PRLR: variants seen among roughly 807,000 people sequenced by gnomAD.
The protein encoded by PRLR is prolactin receptor.
A neutral mutation model predicts 40.2 loss-of-function variants in PRLR; 13 were observed. The ratio of observed to expected loss-of-function variants is 0.32; its 90% CI spans 0.21 to 0.51. The LOEUF (loss-of-function observed/expected upper bound fraction) is 0.51, where lower values mean the gene tolerates loss of function less well. PRLR is among the 20% of genes least tolerant of loss of function. The pLI is 0.97. For synonymous variants in PRLR, 269 were observed against 278.7 expected (o/e 0.97, Z 0.35); for missense variants, 656 against 747.3 (o/e 0.88, Z 1.42).
At chr5:35,184,238 G>T (rs910083244) in intron 1 of PRLR, among the ~76,000 whole-genome samples, 1 of 152,184 alleles carries the variant, frequency 6.6e-6, no homozygotes, top group Admixed American at 6.5e-5. Context: ...AACTGGCCAG[G>T]CACGGTGGCT....
At position 35,112,171 on chromosome 5, in the gene PRLR, T is replaced by C. The variant is rs182379477; in HGVS notation, c.-44+5890A>G. ...GTTGAATGATTTAAAATGCTTTTGA[T>C]ACTCATGGCTTGCCCACTTGTTTTC... On this transcript the variant is annotated intron_variant, in intron 2 of 9. Coordinates refer to ENST00000618457, the MANE Select transcript of PRLR (RefSeq NM_000949.7). Among the ~76,000 whole-genome samples, 518 of 152,332 alleles carry C rather than the reference T, an allele frequency of 3.4e-3. 5 individuals are homozygous for C. The highest frequency in any genetic ancestry group is 0.012 in the African/African-American group (503 of 41,582).
At chr5:35,107,381 C>T (rs913718569) in intron 2 of PRLR, among the ~76,000 whole-genome samples, 2 of 151,916 alleles carry the variant, frequency 1.3e-5, no homozygotes, top group Non-Finnish European at 2.9e-5. Flanking sequence ...AAGATCAGAG[C>T]AGAACTGAAG....
At chr5:35,068,499 A>G (rs895763950) in intron 8 of PRLR, among the ~76,000 whole-genome samples, 2 of 152,204 alleles carry the variant, frequency 1.3e-5, no homozygotes, top group African/African-American at 4.8e-5. Flanking sequence ...TTAGTGGATT[A>G]TCTGGACTAT....
intron 1 of PRLR, among the ~76,000 whole-genome samples, chr5:35,209,132 A>G (rs561169147): frequency 6.6e-6 from 1 of 151,814 alleles, no homozygotes; most frequent in African/African-American, 2.4e-5. Flanking sequence ...ATATTTCACC[A>G]TGTATCAGTG....
intron 1 of PRLR, among the ~76,000 whole-genome samples, chr5:35,207,438 C>A (rs937768043): frequency 2.0e-5 from 3 of 151,444 alleles, no homozygotes; most frequent in Non-Finnish European, 4.4e-5. Context: ...AAAAGAATAC[C>A]CCGTCAATAA....
intron 1 of PRLR, among the ~76,000 whole-genome samples, chr5:35,153,445 C>T (rs998474299): frequency 3.3e-5 from 5 of 152,144 alleles, no homozygotes; most frequent in African/African-American, 9.7e-5. Context: ...GAGATTTAGA[C>T]CCTCATCCTC....
chr5:35,203,940 G>A (rs1179764516), intron 1 of PRLR, among the ~76,000 whole-genome samples: 1 of 151,912 alleles, frequency 6.6e-6, no homozygotes, highest in Non-Finnish European at 1.5e-5. Flanking sequence ...TTGATTTTTT[G>A]AGGGTCACAG....
chr5:35,070,841 CAAAAAAAAAAA>C (rs34668616), intron 6 of PRLR, among the ~76,000 whole-genome samples: 2 of 69,168 alleles, frequency 2.9e-5, no homozygotes, highest in African/African-American at 5.0e-5. Context: ...AACTCCGTCT[CAAAAAAAAAAA>C]AAAAAAAAAA....
intron 2 of PRLR, among the ~76,000 whole-genome samples, chr5:35,111,902 A>T (rs1290507483): frequency 1.3e-5 from 2 of 152,250 alleles, no homozygotes; most frequent in Non-Finnish European, 2.9e-5. Context: ...TTGTAATAAA[A>T]TAAAAAGCTA....
chr5:35,196,065 A>G (rs199949950), intron 1 of PRLR, among the ~76,000 whole-genome samples: 4 of 4,834 alleles, frequency 8.3e-4, no homozygotes, highest in African/African-American at 1.8e-3. Flanking sequence ...AAAATAAAAT[A>G]AAATAAAATA....
Position 35,057,793 on chromosome 5 carries a change from T to C in PRLR, c.*7296A>G, listed in dbSNP as rs933486752. 1.3e-5 allele frequency: 2 copies of C among 152,128 alleles called. No individual in the cohort carries two copies. Among genetic ancestry groups the C allele is most frequent in the Admixed American group, 6.6e-5 (1 of 15,264 alleles). 9.4% of individuals were successfully genotyped at this position (152,128 alleles called of 1,614,324 possible). On this transcript the variant is annotated 3_prime_UTR_variant, in exon 10 of 10. Coordinates refer to ENST00000618457, the MANE Select transcript of PRLR (RefSeq NM_000949.7). The stretch of plus-strand genomic sequence containing the variant: ...ACATTACAATAACTACATATAGAAA[T>C]GAGTTTTTAAAATCAAAATAAGATA...
chr5:35,111,895 T>C (rs1042974237), intron 2 of PRLR, among the ~76,000 whole-genome samples: 1 of 152,190 alleles, frequency 6.6e-6, no homozygotes, highest in Non-Finnish European at 1.5e-5. Flanking sequence ...ATTACTTTTG[T>C]AATAAAATAA....
rs976891891 is a variant in PRLR, at chr5:35,060,988, C to T, written c.*4101G>A. 1 of 152,192 alleles carries T rather than the reference C, an allele frequency of 6.6e-6. No homozygotes were observed. Among genetic ancestry groups the T allele is most frequent in the African/African-American group, 2.4e-5 (1 of 41,452 alleles). 9.4% of individuals were successfully genotyped at this position (152,192 alleles called of 1,614,324 possible). ...CAGGCAAAGTAAGTCACACTATTCA[C>T]AACAGCTCTGTGTTGATTCAATTAA... On this transcript the variant is annotated 3_prime_UTR_variant, in exon 10 of 10. Transcript: ENST00000618457.
intron 7 of PRLR, 151 bp downstream of exon 7, chr5:35,069,973 A>G (rs758467637): frequency 8.9e-5 from 81 of 910,748 alleles, no homozygotes; most frequent in Admixed American, 4.0e-4. Context: ...TGCTTTTCAA[A>G]ATGTCTTCGT....
At chr5:35,174,945 T>C (rs1775103182) in intron 1 of PRLR, among the ~76,000 whole-genome samples, 1 of 152,196 alleles carries the variant, frequency 6.6e-6, no homozygotes, top group Admixed American at 6.5e-5. Flanking sequence ...ACTTAGACAA[T>C]ATTATGTGCT....
At chr5:35,086,951 T>G (rs1382561791) in intron 3 of PRLR, among the ~76,000 whole-genome samples, 1 of 152,018 alleles carries the variant, frequency 6.6e-6, no homozygotes, top group African/African-American at 2.4e-5. Flanking sequence ...ATCCTTTCCT[T>G]CCTCTTTCCC....
chr5:35,151,239 C>A (rs1774333911), intron 1 of PRLR, among the ~76,000 whole-genome samples: 1 of 152,080 alleles, frequency 6.6e-6, no homozygotes, highest in African/African-American at 2.4e-5. Flanking sequence ...GTGTGTGATC[C>A]TCCATACTAC....
At chr5:35,157,795 T>C (rs188297209) in intron 1 of PRLR, among the ~76,000 whole-genome samples, 1 of 152,388 alleles carries the variant, frequency 6.6e-6, no homozygotes, top group African/African-American at 2.4e-5. Context: ...TCTGTCTTCA[T>C]ATTTGAATAC....
chr5:35,154,837 G>A (rs191885145), intron 1 of PRLR, among the ~76,000 whole-genome samples: 4 of 152,126 alleles, frequency 2.6e-5, no homozygotes, highest in African/African-American at 7.2e-5. Context: ...GTCTTCTTCA[G>A]GGACATGGAT....
Sources: gnomAD v4.1 joint callset for allele counts (sites outside exome capture counted in the v4.1 genomes callset) on GRCh38, gnomAD v4.1.1 for gene constraint, MANE v1.5 for transcripts, NCBI Gene and HGNC (gene_info 2026-07-23, HGNC 2026-07-21) for gene names.